SSBP2: variants seen among roughly 807,000 people sequenced by gnomAD.
SSBP2 encodes single stranded DNA binding protein 2, also known as single-stranded DNA-binding protein 2.
In SSBP2, 17 loss-of-function variants were observed where a neutral mutation model predicts 61.8. The ratio of observed to expected loss-of-function variants is 0.28; its 90% confidence interval spans 0.19 to 0.41. The LOEUF is 0.41. Among genes scored for constraint, SSBP2 ranks in the 10% least tolerant of loss-of-function variants. The pLI is 1.00. For missense variants in SSBP2, 310 were observed against 458.7 expected, an observed-to-expected ratio of 0.68 and a Z score of 2.96; for synonymous variants, 139 against 141.3, an observed-to-expected ratio of 0.98 and a Z score of 0.12.
At chr5:81,688,668 G>T (rs1752996113) in intron 1 of SSBP2, among the ~76,000 whole-genome samples, 1 of 152,186 alleles carries the variant, frequency 6.6e-6, no homozygotes, top group Non-Finnish European at 1.5e-5. Context: ...CAACAAGGCA[G>T]TACCTCTACA....
chr5:81,441,966 A>C (rs781073115), intron 13 of SSBP2, among the ~76,000 whole-genome samples: 3 of 152,190 alleles, frequency 2.0e-5, no homozygotes, highest in Admixed American at 6.5e-5. Context: ...AAAGACACTA[A>C]AACTATAGGT....
At chr5:81,514,317 G>A (rs1768842366) in intron 4 of SSBP2, among the ~76,000 whole-genome samples, 2 of 151,564 alleles carry the variant, frequency 1.3e-5, no homozygotes, top group Non-Finnish European at 1.5e-5. Flanking sequence ...ATTAGATTTG[G>A]AGAGAATAGT....
At chr5:81,655,631 G>A (rs1028861241) in intron 1 of SSBP2, among the ~76,000 whole-genome samples, 36 of 152,202 alleles carry the variant, frequency 2.4e-4, no homozygotes, top group African/African-American at 8.2e-4. Context: ...CACCACAGGC[G>A]CCTAAACTTT....
intron 1 of SSBP2, among the ~76,000 whole-genome samples, chr5:81,662,025 T>C (rs951691941): frequency 8.6e-5 from 13 of 151,878 alleles, no homozygotes; most frequent in African/African-American, 2.9e-4. Flanking sequence ...GTCTGCGTTA[T>C]GAGATGAGGG....
At chr5:81,737,247 C>T (rs1217050882) in intron 1 of SSBP2, among the ~76,000 whole-genome samples, 1 of 150,012 alleles carries the variant, frequency 6.7e-6, no homozygotes, top group Non-Finnish European at 1.5e-5. Flanking sequence ...CACAATAAAA[C>T]CCAAAATTAT....
At chr5:81,579,136 T>TTGAG (rs1774455844) in intron 4 of SSBP2, among the ~76,000 whole-genome samples, 2 of 151,478 alleles carry the variant, frequency 1.3e-5, no homozygotes, top group South Asian at 4.2e-4. Context: ...GAAGAGGGGG[T>TTGAG]TGAGTCAAAC....
At chr5:81,749,272 C>A (rs944385621) in intron 1 of SSBP2, among the ~76,000 whole-genome samples, 2 of 152,044 alleles carry the variant, frequency 1.3e-5, no homozygotes, top group African/African-American at 4.8e-5. Context: ...CAGAAAATAT[C>A]TCTTGCAAAA....
chr5:81,733,302 T>C (rs536289237), intron 1 of SSBP2, among the ~76,000 whole-genome samples: 5 of 152,096 alleles, frequency 3.3e-5, no homozygotes, highest in African/African-American at 4.8e-5. Context: ...GAACTAATCA[T>C]ACAGTAATAA....
At chr5:81,719,428 A>C (rs1036635833) in intron 1 of SSBP2, among the ~76,000 whole-genome samples, 9 of 152,184 alleles carry the variant, frequency 5.9e-5, no homozygotes, top group Non-Finnish European at 7.4e-5. Context: ...AATATCCATA[A>C]CATGGTGTGG....
At chr5:81,564,062 T>C (rs772576365) in intron 4 of SSBP2, among the ~76,000 whole-genome samples, 4 of 152,062 alleles carry the variant, frequency 2.6e-5, no homozygotes, top group Non-Finnish European at 5.9e-5. Flanking sequence ...ACAAAATGAA[T>C]GACCCAATTA....
chr5:81,555,720 T>A (rs1423049086), intron 4 of SSBP2, among the ~76,000 whole-genome samples: 1 of 152,156 alleles, frequency 6.6e-6, no homozygotes, highest in Non-Finnish European at 1.5e-5. Context: ...GCTGTTAACA[T>A]TTTATGTAAA....
intron 1 of SSBP2, among the ~76,000 whole-genome samples, chr5:81,750,430 G>C (rs1368445449): frequency 7.0e-6 from 1 of 143,530 alleles, no homozygotes; most frequent in East Asian, 2.0e-4. Flanking sequence ...CCGCGCGCCC[G>C]GCACCGCCGC....
chr5:81,632,367 C>G (rs1747806883), intron 3 of SSBP2, among the ~76,000 whole-genome samples: 1 of 152,116 alleles, frequency 6.6e-6, no homozygotes, highest in African/African-American at 2.4e-5. Context: ...TGCATTTAGA[C>G]AGTTAGTGGC....
At chr5:81,640,709 G>A (rs1159978698) in intron 2 of SSBP2, among the ~76,000 whole-genome samples, 2 of 151,592 alleles carry the variant, frequency 1.3e-5, no homozygotes, top group African/African-American at 4.8e-5. Context: ...CTGATGTCCT[G>A]CTAAAATTAT....
chr5:81,672,186 C>A (rs575152958), intron 1 of SSBP2, among the ~76,000 whole-genome samples: 128 of 152,172 alleles, frequency 8.4e-4, no homozygotes, highest in African/African-American at 2.9e-3. Flanking sequence ...TAGCAGCTTA[C>A]TAAGAATTTT....
At chr5:81,542,005 T>C (rs1771310022) in intron 4 of SSBP2, among the ~76,000 whole-genome samples, 1 of 152,164 alleles carries the variant, frequency 6.6e-6, no homozygotes, top group South Asian at 2.1e-4. Context: ...GGAGAAAGTA[T>C]TCACAAACTC....
At chr5:81,670,946 C>T (rs1448663339) in intron 1 of SSBP2, among the ~76,000 whole-genome samples, 1 of 152,162 alleles carries the variant, frequency 6.6e-6, no homozygotes, top group Non-Finnish European at 1.5e-5. Context: ...TTAAGTGATG[C>T]CAGTGCTTAT....
intron 15 of SSBP2, among the ~76,000 whole-genome samples, chr5:81,431,417 A>G (rs1483308264): frequency 6.6e-6 from 1 of 152,150 alleles, no homozygotes; most frequent in Non-Finnish European, 1.5e-5. Flanking sequence ...TCAAGTTGGA[A>G]ATTCTCTTAA....
At chr5:81,437,487 T>C in intron 14 of SSBP2, 29 bp from the exon 15 acceptor site, 1 of 1,587,122 alleles carries the variant, frequency 6.3e-7, no homozygotes, top group Non-Finnish European at 8.6e-7. Context: ...AGAAAGCCTT[T>C]ATTAGGTAAG....
Sources: allele counts gnomAD v4.1 joint callset (sites outside exome capture counted in the v4.1 genomes callset), GRCh38; gene constraint gnomAD v4.1.1; transcripts MANE v1.5; gene names NCBI Gene and HGNC (gene_info 2026-07-23, HGNC 2026-07-21).